FAM81A: variants seen among roughly 807,000 people sequenced by gnomAD.
FAM81A encodes the protein protein FAM81A.
A neutral mutation model predicts 46.7 loss-of-function variants in FAM81A; 19 were observed. The observed-to-expected ratio is 0.41, with a 90% CI of 0.28 to 0.60. FAM81A has a LOEUF of 0.60. Ranked by LOEUF, FAM81A falls within the 20% of genes least tolerant of loss-of-function variation. The pLI is 0.34. For synonymous variants in FAM81A, 183 were observed against 152.9 expected (o/e 1.20, Z -1.45); for missense variants, 377 against 453.5 (o/e 0.83, Z 1.53).
intron 2 of FAM81A, among the ~76,000 whole-genome samples, chr15:59,415,999 G>C (rs2081145133): frequency 6.6e-6 from 1 of 152,172 alleles, no homozygotes; most frequent in Non-Finnish European, 1.5e-5. Context: ...CTGTAGGGCT[G>C]CTCTTCTAAA....
chr15:59,406,772 T>G (rs2081096599), intron 2 of FAM81A, among the ~76,000 whole-genome samples: 1 of 152,146 alleles, frequency 6.6e-6, no homozygotes, highest in Admixed American at 6.6e-5. Context: ...GCTGCATTTG[T>G]TTTGTGAAGA....
intron 1 of FAM81A, among the ~76,000 whole-genome samples, chr15:59,456,289 G>T (rs4775167): frequency 3.0e-4 from 46 of 151,114 alleles, no homozygotes; most frequent in East Asian, 1.6e-3. Context: ...TGGGGTGGCG[G>T]GGGCGGGGGT....
rs1157917219 is a variant in FAM81A, at chr15:59,427,496, A to G, written c.-78+25138A>G. Among the ~76,000 whole-genome samples, 6 of 151,928 alleles carry G rather than the reference A, an allele frequency of 3.9e-5. No homozygotes were observed. The East Asian group carries it at 1.2e-3, about 29-fold the overall frequency. On this transcript the variant is annotated intron_variant, in intron 2 of 4. Coordinates refer to the FAM81A transcript ENST00000558348. ...ACCCTGTTGTGCTATGAAATACTAG[A>G]TCTTATTTATTCTGTTTTTTTAATA...
Position 59,507,104 on chromosome 15 carries a change from G to C in FAM81A, c.414-109G>C, listed in dbSNP as rs753817819. 1.8e-5 allele frequency: 25 copies of C among 1,352,030 alleles called. 1 individual carries two copies. The highest frequency in any genetic ancestry group is 2.5e-5 in the Non-Finnish European group (25 of 1,002,990). The allele number at this position is 1,352,030 out of a possible 1,614,324, so 83.8% of individuals were successfully genotyped here. A position where few individuals can be genotyped will look rare whatever the true frequency, so the allele number is the denominator to read the frequency against. On this transcript the variant is annotated intron_variant, in intron 4 of 8. Transcript: ENST00000288228. ...TGAACCTCTGTTCAAAAGAATGATG[G>C]ATAGTGCACTTTCTTTGAGTGGGTT... is the stretch of plus-strand genomic sequence containing the variant.
At chr15:59,472,618 A>G (rs573532939) in intron 3 of FAM81A, among the ~76,000 whole-genome samples, 1 of 150,404 alleles carries the variant, frequency 6.6e-6, no homozygotes, top group Non-Finnish European at 1.5e-5. Flanking sequence ...TGGTATGATC[A>G]TAGCTCACTG....
At chr15:59,466,143 A>G (rs2081610576) in intron 3 of FAM81A, among the ~76,000 whole-genome samples, 2 of 152,182 alleles carry the variant, frequency 1.3e-5, no homozygotes, top group East Asian at 1.9e-4. Context: ...AGTCTTTGCT[A>G]TTCTGAATAG....
Position 59,432,386 on chromosome 15 carries a change from A to C in FAM81A, c.-77-26164A>C, listed in dbSNP as rs139016296. On this transcript the variant is annotated intron_variant, in intron 2 of 4. Coordinates refer to the FAM81A transcript ENST00000558348. ...TCAAAATAAATTTTTATAAGTTACT[A>C]TTCACATTCTTTGATATGTGCTGTC... Among the ~76,000 whole-genome samples, 264 of 152,394 alleles carry C rather than the reference A, an allele frequency of 1.7e-3. 3 individuals are homozygous for C. The highest frequency in any genetic ancestry group is 7.6e-3 in the Admixed American group (116 of 15,308).
At chr15:59,468,666 C>G (rs2081646333) in intron 3 of FAM81A, among the ~76,000 whole-genome samples, 1 of 149,400 alleles carries the variant, frequency 6.7e-6, no homozygotes, top group African/African-American at 2.5e-5. Flanking sequence ...AAACCCAGCT[C>G]CTGGATTCAT....
At chr15:59,489,266 AATACATAC>A (rs61067164) in intron 3 of FAM81A, among the ~76,000 whole-genome samples, 1,612 of 144,084 alleles carry the variant, frequency 0.011, 26 homozygotes, top group African/African-American at 0.023. Flanking sequence ...CTCCATCTCA[AATACATAC>A]ATACATACAT....
intron 1 of FAM81A, chr15:59,439,011 T>G (rs1317494891): frequency 6.6e-6 from 1 of 152,228 alleles, no homozygotes; most frequent in Non-Finnish European, 1.5e-5. Context: ...TAGGAAACTT[T>G]GTATTTGAAC....
In FAM81A at chr15:59,454,927, C is replaced by G. The variant is rs184322362; in HGVS notation, c.-77-3623C>G. ...GGACTACAGGTGTGTGCCTCCACAC[C>G]TGGCTAATTTTTTTTTGTTTGTATT... On this transcript the variant is annotated intron_variant, in intron 1 of 8. Transcript: ENST00000288228. 1.8e-3 allele frequency among the ~76,000 whole-genome samples: 274 copies of G among 151,340 alleles called. 3 individuals carry two copies. Among genetic ancestry groups the G allele is most frequent in the Non-Finnish European group, 2.5e-3 (170 of 67,836 alleles).
intron 1 of FAM81A, among the ~76,000 whole-genome samples, chr15:59,453,901 C>T (rs1047108299): frequency 3.2e-4 from 49 of 152,288 alleles, no homozygotes; most frequent in African/African-American, 1.2e-3. Context: ...TGCCTGAATT[C>T]CCAGTCTAGT....
At chr15:59,401,301 C>T (rs1251075910) in intron 1 of FAM81A, 14 of 854,002 alleles carry the variant, frequency 1.6e-5, no homozygotes, top group Middle Eastern at 2.2e-4. Flanking sequence ...AAATAACTGC[C>T]GCCTTGCATC....
chr15:59,470,321 C>G (rs1354788788), intron 3 of FAM81A, among the ~76,000 whole-genome samples: 1 of 152,176 alleles, frequency 6.6e-6, no homozygotes, highest in Non-Finnish European at 1.5e-5. Context: ...TCCATTCTCC[C>G]CATCACTTTC....
intron 2 of FAM81A, among the ~76,000 whole-genome samples, chr15:59,458,942 T>G (rs909207087): frequency 6.6e-5 from 10 of 152,204 alleles, no homozygotes; most frequent in African/African-American, 2.4e-4. Flanking sequence ...AGTTGCAGAT[T>G]AGGGGCCTAT....
At chr15:59,483,125 C>A (rs2081874865) in intron 3 of FAM81A, among the ~76,000 whole-genome samples, 1 of 152,014 alleles carries the variant, frequency 6.6e-6, no homozygotes, top group African/African-American at 2.4e-5. Context: ...GCAACCTCTG[C>A]CTCCTGGGTT....
chr15:59,493,232 A>C (rs2081999830), intron 4 of FAM81A, among the ~76,000 whole-genome samples: 1 of 152,216 alleles, frequency 6.6e-6, no homozygotes, highest in Admixed American at 6.5e-5. Context: ...AGGGAGGAGT[A>C]GTATTAGGGT....
intron 3 of FAM81A, among the ~76,000 whole-genome samples, chr15:59,473,921 C>T (rs918551416): frequency 5.3e-5 from 8 of 152,312 alleles, no homozygotes; most frequent in Admixed American, 5.2e-4. Context: ...AAGCAGTCCT[C>T]TCACCTTGGC....
At chr15:59,435,882 C>T (rs746414256), upstream of FAM81A, among the ~76,000 whole-genome samples, 15 of 152,062 alleles carry the variant, frequency 9.9e-5, no homozygotes, top group Non-Finnish European at 1.5e-4. Flanking sequence ...ATGGATATTT[C>T]GTTGCAATTT....
Sources: gnomAD v4.1 joint callset for allele counts (sites outside exome capture counted in the v4.1 genomes callset) on GRCh38, gnomAD v4.1.1 for gene constraint, MANE v1.5 for transcripts, NCBI Gene and HGNC (gene_info 2026-07-23, HGNC 2026-07-21) for gene names.